SEPTIN3: variants seen among roughly 807,000 people sequenced by gnomAD.
SEPTIN3 encodes septin 3.
In SEPTIN3, 15 loss-of-function variants were observed where a neutral mutation model predicts 45.1. The observed-to-expected ratio is 0.33, with a 90% CI of 0.22 to 0.51. SEPTIN3 has a LOEUF of 0.51. Ranked by LOEUF, SEPTIN3 falls within the 20% of genes least tolerant of loss-of-function variation. The pLI is 0.97. For synonymous variants in SEPTIN3, 148 were observed against 164.8 expected (o/e 0.90, Z 0.78); for missense variants, 289 against 457.2 (o/e 0.63, Z 3.35).
At chr22:41,978,418 C>T (rs2078065176) in intron 2 of SEPTIN3, among the ~76,000 whole-genome samples, 1 of 152,168 alleles carries the variant, frequency 6.6e-6, no homozygotes, top group South Asian at 2.1e-4. Flanking sequence ...TTCTGTATAA[C>T]CTTCATAGAA....
At chr22:41,995,229 T>A (rs1185976931) in intron 11 of SEPTIN3, 3 of 994,204 alleles carry the variant, frequency 3.0e-6, no homozygotes, top group Non-Finnish European at 3.6e-6. Flanking sequence ...GGGCAGGGAG[T>A]TCAGGACAAC....
At position 41,994,883 on chromosome 22, in the gene SEPTIN3, CTGTGTGTGTGTGTGTGTG is replaced by C. The variant is rs59942714; in HGVS notation, c.2505+192_2505+209del. On this transcript the variant is annotated intron_variant, in intron 11 of 11. Transcript: ENST00000644076. The surrounding 1 kb of genome is among the most constrained non-coding windows in gnomAD (Gnocchi z 4.2). ...GTCTGGTATTTGTGGAGCATCTTGTCTGTGTGTGTGTGTGTGTGTGTGTGTGTGTGTGTGTGTGTGACA... is the reference window on the plus strand; with the variant it reads ...GTCTGGTATTTGTGGAGCATCTTGTCTGTGTGTGTGTGTGTGTGTGTGACA... The C allele has an allele frequency of 5.2e-5, 70 of 1,343,396 alleles. No homozygotes were observed. Among genetic ancestry groups the C allele is most frequent in the African/African-American group, 1.2e-4 (8 of 65,084 alleles). The allele number at this position is 1,343,396 out of a possible 1,614,324, so 83.2% of individuals were successfully genotyped here.
At chr22:41,971,006 G>A (rs1365905745) in intron 1 of SEPTIN3, among the ~76,000 whole-genome samples, 1 of 152,072 alleles carries the variant, frequency 6.6e-6, no homozygotes, top group African/African-American at 2.4e-5. Context: ...TCCTATGTTG[G>A]CTGCTGTGGG....
intron 4 of SEPTIN3, among the ~76,000 whole-genome samples, chr22:41,986,796 C>T (rs927120515): frequency 3.3e-5 from 5 of 152,024 alleles, no homozygotes; most frequent in Non-Finnish European, 5.9e-5. Flanking sequence ...CAACCACGCC[C>T]GGCCCGAAAC....
chr22:41,991,505 AGGTGCACACACCC>A, intron 7 of SEPTIN3, 55 bp from the exon 8 acceptor site: 1 of 1,127,518 alleles, frequency 8.9e-7, no homozygotes, highest in Non-Finnish European at 1.4e-6. Flanking sequence ...TCACGCACAC[AGGTGCACACACCC>A]CTCTTTTCCA....
At position 41,997,248 on chromosome 22, in the gene SEPTIN3, G is replaced by C. The variant is rs2078458287; in HGVS notation, c.*281G>C. 1.3e-5 allele frequency: 6 copies of C among 468,946 alleles called. No individual in the cohort carries two copies. The highest frequency in any genetic ancestry group is 2.3e-5 in the Non-Finnish European group (6 of 266,448). 29.0% of individuals were successfully genotyped at this position (468,946 alleles called of 1,614,324 possible). A position where few individuals can be genotyped will look rare whatever the true frequency, so the allele number is the denominator to read the frequency against. ...TGCAGGGTGAAAGAACTCATCAAGA[G>C]CTCCTTCTGCCCTTGTAAGCCCATC... On this transcript the variant is annotated 3_prime_UTR_variant, in exon 12 of 12. Transcript: ENST00000644076.
chr22:41,984,819 G>C (rs2078176557), intron 3 of SEPTIN3, among the ~76,000 whole-genome samples: 1 of 148,522 alleles, frequency 6.7e-6, no homozygotes, highest in African/African-American at 2.5e-5. Flanking sequence ...ATGAGCCACT[G>C]CACCTGGCCT....
chr22:41,973,603 G>A (rs1225955290), intron 2 of SEPTIN3, among the ~76,000 whole-genome samples: 2 of 152,014 alleles, frequency 1.3e-5, no homozygotes, highest in African/African-American at 4.8e-5. Flanking sequence ...AACCCGGGAG[G>A]TGGAGCTTGC....
At chr22:41,987,339 C>A (rs2078225677) in intron 5 of SEPTIN3, 52 bp downstream of exon 5, 1 of 1,479,092 alleles carries the variant, frequency 6.8e-7, no homozygotes, top group Non-Finnish European at 9.4e-7. Context: ...TGGGAAGATA[C>A]TTACTATGGT....
chr22:41,987,562 C>G, intron 5 of SEPTIN3, 60 bp from the exon 6 acceptor site: 1 of 1,567,724 alleles, frequency 6.4e-7, no homozygotes, highest in Non-Finnish European at 8.7e-7. Context: ...CAGATCATGC[C>G]TAAGCTGAGC....
Position 41,976,418 on chromosome 22 carries a change from T to C in SEPTIN3, c.1504+3422T>C, listed in dbSNP as rs1415593784. 6.6e-6 allele frequency: 1 copy of C among 152,312 alleles called. No homozygotes were observed. The highest frequency in any genetic ancestry group is 2.4e-5 in the African/African-American group (1 of 41,456). The allele number at this position is 152,312 out of a possible 1,614,324, so 9.4% of individuals were successfully genotyped here. ...GAAGTTCCTGTCTGGCTCAAGGTTA[T>C]TGGTTCATCATTCTGGAGCAGGGCC... is the stretch of plus-strand genomic sequence containing the variant. On this transcript the variant is annotated intron_variant, in intron 2 of 11. Transcript: ENST00000644076. This position sits in a 1 kb window ranked among gnomAD's most constrained non-coding sequence, Gnocchi z 5.8.
chr22:41,988,270 A>G (rs1299997736), intron 6 of SEPTIN3, among the ~76,000 whole-genome samples: 1 of 152,148 alleles, frequency 6.6e-6, no homozygotes, highest in Non-Finnish European at 1.5e-5. Context: ...AACCATTGTC[A>G]TGAAGTACTA....
intron 3 of SEPTIN3, among the ~76,000 whole-genome samples, chr22:41,984,287 C>T (rs2078166781): frequency 6.6e-6 from 1 of 152,146 alleles, no homozygotes. Context: ...GGCCCTTGTC[C>T]CCCAGCATGG....
rs2077963711 is a variant in SEPTIN3, at chr22:41,971,865, C to T, written c.373C>T (p.Pro125Ser). Residue 125 changes from proline to serine, a missense_variant, in exon 2 of 12, where the codon CCA becomes TCA. Physicochemically the swap from Pro to Ser is moderately conservative, Grantham distance 74. Around this residue, in one of 3 missense-constraint regions of SEPTIN3, gnomAD observed 200 missense variants for 315.1 expected, o/e 0.63. Transcript: ENST00000644076. ...CAGCCAGGCACGGTCCCTGGATCGCCCACTTTCTCACTGGGAAGAGTTGCC... is the reference window on the plus strand; with the variant it reads ...CAGCCAGGCACGGTCCCTGGATCGCTCACTTTCTCACTGGGAAGAGTTGCC... ...QNSQARSLDRPLSHWEELPTP... is the reference protein window; with the variant it reads ...QNSQARSLDRSLSHWEELPTP... The T allele has an allele frequency of 2.5e-6, 1 of 399,166 alleles. No individual in the cohort carries two copies. 24.7% of individuals were successfully genotyped at this position (399,166 alleles called of 1,614,324 possible). A position where few individuals can be genotyped will look rare whatever the true frequency, so the allele number is the denominator to read the frequency against.
At chr22:41,987,978 G>GTCCAACATCAGCCACCAATA (rs2078237855) in intron 6 of SEPTIN3, among the ~76,000 whole-genome samples, 1 of 152,038 alleles carries the variant, frequency 6.6e-6, no homozygotes. Flanking sequence ...GGTTAAAGCT[G>GTCCAACATCAGCCACCAATA]TCCAACATCA....
At chr22:41,969,793 G>C (rs1386113247) in intron 1 of SEPTIN3, 116 bp downstream of exon 1, 2 of 152,204 alleles carry the variant, frequency 1.3e-5, no homozygotes, top group African/African-American at 4.8e-5. Context: ...TGAGGGGATG[G>C]GGAGTCGGGT....
intron 2 of SEPTIN3, among the ~76,000 whole-genome samples, chr22:41,980,217 C>T (rs531258034): frequency 6.8e-6 from 1 of 146,072 alleles, no homozygotes; most frequent in Non-Finnish European, 1.5e-5. Flanking sequence ...CGGCTCACTG[C>T]AACTCCGCCT....
chr22:41,994,939 G>C lies in SEPTIN3; in HGVS notation c.2505+225G>C, dbSNP rs1464444077. 1 of 1,441,810 alleles carries C rather than the reference G, an allele frequency of 6.9e-7. No individual in the cohort carries two copies. The allele number at this position is 1,441,810 out of a possible 1,614,324, so 89.3% of individuals were successfully genotyped here. ...TGTGTGTGTGACAGAGAGAGAGCGA[G>C]AGAGCCTGTGTGTGTGCATGCAGGG... On this transcript the variant is annotated intron_variant, in intron 11 of 11. Coordinates refer to ENST00000644076, the MANE Select transcript of SEPTIN3 (RefSeq NM_001363845.2). The surrounding 1 kb of genome is among the most constrained non-coding windows in gnomAD (Gnocchi z 4.2).
chr22:41,996,513 G>A (rs1602426740), intron 11 of SEPTIN3: 1 of 1,007,864 alleles, frequency 9.9e-7, no homozygotes, highest in Non-Finnish European at 1.2e-6. Flanking sequence ...TGGACCAGGA[G>A]AAAGGGGGGC....
Sources: allele counts gnomAD v4.1 joint callset (sites outside exome capture counted in the v4.1 genomes callset), GRCh38; gene constraint gnomAD v4.1.1; regional missense constraint gnomAD v4.1.1; non-coding constraint Gnocchi (gnomAD v3.1); transcripts MANE v1.5; gene names NCBI Gene and HGNC (gene_info 2026-07-23, HGNC 2026-07-21).